Variants in CLUAP1 observed in about 807,000 individuals in gnomAD.
The protein encoded by CLUAP1 is clusterin-associated protein 1.
Under a neutral mutation model 55.0 loss-of-function variants are expected in CLUAP1, and 50 were observed. The ratio of observed to expected loss-of-function variants is 0.91; its 90% CI spans 0.72 to 1.15. The LOEUF is 1.15. Ranked by LOEUF, CLUAP1 falls within the 50% of genes most tolerant of loss-of-function variation. The pLI is 0.00. For missense variants in CLUAP1, 530 were observed against 507.6 expected, an observed-to-expected ratio of 1.04 and a Z score of -0.42; for synonymous variants, 195 against 175.4, an observed-to-expected ratio of 1.11 and a Z score of -0.88.
chr16:3,517,128 CTTT>C (rs548805558), intron 6 of CLUAP1, among the ~76,000 whole-genome samples: 1 of 140,458 alleles, frequency 7.1e-6, no homozygotes. Flanking sequence ...CTTTTTTTTT[CTTT>C]TTTTTTTTTT....
chr16:3,508,708 A>G (rs1041007699), intron 4 of CLUAP1, among the ~76,000 whole-genome samples: 47 of 152,298 alleles, frequency 3.1e-4, no homozygotes, highest in African/African-American at 1.1e-3. Context: ...TTGTGAACAA[A>G]AAGGACAAAA....
chr16:3,503,732 A>C (rs763657644), intron 1 of CLUAP1, among the ~76,000 whole-genome samples: 2 of 152,148 alleles, frequency 1.3e-5, no homozygotes, highest in African/African-American at 4.8e-5. Context: ...CTGAGACCAC[A>C]GGCATGCACC....
chr16:3,506,963 G>A (rs191903871), intron 3 of CLUAP1, among the ~76,000 whole-genome samples: 2,149 of 151,962 alleles, frequency 0.014, 22 homozygotes, highest in East Asian at 0.04. Context: ...TTGGAAGGCC[G>A]AGGTGGGCGG....
At chr16:3,531,437 G>A (rs1301929342) in intron 10 of CLUAP1, among the ~76,000 whole-genome samples, 2 of 152,112 alleles carry the variant, frequency 1.3e-5, no homozygotes, top group Non-Finnish European at 2.9e-5. Context: ...CAGGAGAATG[G>A]TGTGAACCCA....
chr16:3,525,555 CTCTT>C (rs1444503863), intron 8 of CLUAP1, among the ~76,000 whole-genome samples: 1 of 152,038 alleles, frequency 6.6e-6, no homozygotes, highest in Non-Finnish European at 1.5e-5. Flanking sequence ...CCCACTCTCT[CTCTT>C]TGTCTCTTTC....
At chr16:3,532,593 A>T (rs969097227) in intron 10 of CLUAP1, among the ~76,000 whole-genome samples, 193 bp from the exon 11 acceptor site, 1 of 151,602 alleles carries the variant, frequency 6.6e-6, no homozygotes, top group Non-Finnish European at 1.5e-5. Context: ...GTTTAAAAAA[A>T]TTTCTGTAGA....
chr16:3,525,769 G>C (rs1489868534), intron 8 of CLUAP1, among the ~76,000 whole-genome samples: 1 of 152,114 alleles, frequency 6.6e-6, no homozygotes, highest in Non-Finnish European at 1.5e-5. Flanking sequence ...GTTTCCCTAT[G>C]TTGCCCAGGC....
At chr16:3,519,871 C>T in intron 6 of CLUAP1, 32 bp from the exon 7 acceptor site, 1 of 1,553,906 alleles carries the variant, frequency 6.4e-7, no homozygotes, top group Non-Finnish European at 8.7e-7. Context: ...TTTTTATTGC[C>T]ACCTTGTCTC....
chr16:3,508,532 A>G lies in CLUAP1; in HGVS notation c.399+64A>G, dbSNP rs904400651. On this transcript the variant is annotated intron_variant, in intron 4 of 11. Coordinates refer to ENST00000576634, the MANE Select transcript of CLUAP1 (RefSeq NM_015041.3). ...TTGATTTCTTGAGCTCTGAAGTGGA[A>G]GGAGTCTGCTACAGCTCCGCTGCTT... The G allele has an allele frequency of 8.0e-5, 113 of 1,408,300 alleles. 1 individual carries two copies. In the Middle Eastern group the frequency reaches 1.3e-3, roughly 16 times the overall value. 87.2% of individuals were successfully genotyped at this position (1,408,300 alleles called of 1,614,324 possible).
chr16:3,525,660 G>T (rs575784535), intron 8 of CLUAP1, among the ~76,000 whole-genome samples: 13 of 152,120 alleles, frequency 8.5e-5, no homozygotes, highest in African/African-American at 3.1e-4. Flanking sequence ...GACCTCTTGG[G>T]CTCAAGCGAT....
chr16:3,502,007 G>A (rs1198243658), intron 1 of CLUAP1: 1 of 152,200 alleles, frequency 6.6e-6, no homozygotes. Flanking sequence ...GGCGGTAGGA[G>A]GTGGCACTGG....
intron 10 of CLUAP1, among the ~76,000 whole-genome samples, chr16:3,531,277 T>C (rs2038111732): frequency 6.6e-6 from 1 of 152,048 alleles, no homozygotes; most frequent in African/African-American, 2.4e-5. Context: ...TCCCAGCACT[T>C]TGGGAGGCCA....
intron 3 of CLUAP1, among the ~76,000 whole-genome samples, chr16:3,507,795 C>T (rs1386430762): frequency 6.6e-6 from 1 of 151,498 alleles, no homozygotes; most frequent in Non-Finnish European, 1.5e-5. Flanking sequence ...CTGTACACTA[C>T]AAGATGTTTA....
intron 7 of CLUAP1, among the ~76,000 whole-genome samples, chr16:3,521,902 T>A (rs1036297169): frequency 1.3e-5 from 2 of 150,998 alleles, no homozygotes; most frequent in Non-Finnish European, 3.0e-5. Context: ...AAAAAAAAAA[T>A]ATAAAAAATA....
intron 10 of CLUAP1, 133 bp from the exon 11 acceptor site, chr16:3,532,653 T>C (rs960443654): frequency 1.2e-6 from 1 of 851,008 alleles, no homozygotes; most frequent in African/African-American, 1.7e-5. Flanking sequence ...CCTGGCCTCC[T>C]GTCTCAGCCT....
chr16:3,496,287 T>TG, upstream of CLUAP1: 1 of 832,724 alleles, frequency 1.2e-6, no homozygotes. Context: ...GGCTGTTTGT[T>TG]GGTCAAGCTG....
At chr16:3,532,038 C>T (rs997296312) in intron 10 of CLUAP1, among the ~76,000 whole-genome samples, 1 of 152,012 alleles carries the variant, frequency 6.6e-6, no homozygotes, top group African/African-American at 2.4e-5. Flanking sequence ...GGGGTTTCAC[C>T]ATGTTGGCCA....
intron 7 of CLUAP1, among the ~76,000 whole-genome samples, chr16:3,522,718 A>T (rs1225116374): frequency 6.6e-6 from 1 of 152,136 alleles, no homozygotes; most frequent in African/African-American, 2.4e-5. Flanking sequence ...ACCCAGCCTG[A>T]TCATTTTTAA....
At chr16:3,501,185 C>T (rs1224335194) in intron 1 of CLUAP1, 96 bp downstream of exon 1, 2 of 1,322,852 alleles carry the variant, frequency 1.5e-6, no homozygotes, top group East Asian at 5.0e-5. Context: ...CTGAGGCTTG[C>T]GCTGCCGGAG....
Sources: allele counts gnomAD v4.1 joint callset (sites outside exome capture counted in the v4.1 genomes callset), GRCh38; gene constraint gnomAD v4.1.1; transcripts MANE v1.5; gene names NCBI Gene and HGNC (gene_info 2026-07-23, HGNC 2026-07-21).